The following SMAP1 variants were observed in gnomAD, a reference collection of about 807,000 sequenced individuals.
SMAP1 encodes the protein small ArfGAP 1, also known as stromal membrane-associated protein 1.
SMAP1 carries 24 observed loss-of-function variants against 58.5 expected under a neutral mutation model. The observed-to-expected ratio is 0.41, with a 90% confidence interval of 0.30 to 0.58. SMAP1 has a LOEUF of 0.58. Among genes scored for constraint, SMAP1 ranks in the 20% least tolerant of loss-of-function variants. The pLI is 0.29. For synonymous variants in SMAP1, 216 were observed against 196.6 expected, an observed-to-expected ratio of 1.10 and a Z score of -0.82; for missense variants, 563 against 566.3, an observed-to-expected ratio of 0.99 and a Z score of 0.06.
At chr6:70,763,117 T>TTTTTTG (rs1766823582) in intron 3 of SMAP1, among the ~76,000 whole-genome samples, 1 of 147,110 alleles carries the variant, frequency 6.8e-6, no homozygotes, top group Non-Finnish European at 1.5e-5. Context: ...TTTTTTTTTT[T>TTTTTTG]TTTTTTTTTT....
intron 10 of SMAP1, chr6:70,858,497 T>G (rs1251689163): frequency 1.0e-5 from 3 of 288,006 alleles, no homozygotes; most frequent in Non-Finnish European, 1.9e-5. Context: ...AACTGTAACG[T>G]GAACACCACT....
At chr6:70,813,711 C>A (rs1219915413) in intron 6 of SMAP1, among the ~76,000 whole-genome samples, 1 of 146,212 alleles carries the variant, frequency 6.8e-6, no homozygotes, top group Non-Finnish European at 1.5e-5. Flanking sequence ...TAATATTTGT[C>A]TTTTAACATT....
In SMAP1 at chr6:70,861,341, G is replaced by A. The variant is rs940997459; in HGVS notation, c.*1007G>A. 17 of 235,182 alleles carry A rather than the reference G, an allele frequency of 7.2e-5. No individual in the cohort carries two copies. The highest frequency in any genetic ancestry group is 4.2e-5 in the Non-Finnish European group (5 of 119,158). 14.6% of individuals were successfully genotyped at this position (235,182 alleles called of 1,614,324 possible). ...CTGTTCAAGTCTACCAATTATAAGG[G>A]CAAATTGGAGAAAAAGAAAAAATAT... On this transcript the variant is annotated 3_prime_UTR_variant, in exon 11 of 11. Coordinates refer to ENST00000370455, the MANE Select transcript of SMAP1 (RefSeq NM_001044305.3).
chr6:70,674,958 G>A (rs1325279359), intron 1 of SMAP1, among the ~76,000 whole-genome samples: 1 of 152,088 alleles, frequency 6.6e-6, no homozygotes, highest in Non-Finnish European at 1.5e-5. Flanking sequence ...CAGCCTGGGC[G>A]ACAGAGTGGG....
intron 4 of SMAP1, among the ~76,000 whole-genome samples, chr6:70,779,016 T>C (rs1251743137): frequency 3.3e-5 from 5 of 152,220 alleles, no homozygotes; most frequent in Admixed American, 2.6e-4. Context: ...TGCATTGGTG[T>C]CCCAGGCAAT....
At chr6:70,764,754 A>G (rs539991185) in intron 3 of SMAP1, among the ~76,000 whole-genome samples, 1 of 152,318 alleles carries the variant, frequency 6.6e-6, no homozygotes, top group African/African-American at 2.4e-5. Context: ...CTGTCAATAC[A>G]ACATCTGTTC....
At chr6:70,734,333 G>A (rs1765539368) in intron 2 of SMAP1, among the ~76,000 whole-genome samples, 1 of 152,072 alleles carries the variant, frequency 6.6e-6, no homozygotes, top group Non-Finnish European at 1.5e-5. Context: ...TTTATTAGAG[G>A]TGGGGTTTTG....
chr6:70,674,788 A>G (rs1424739474), intron 1 of SMAP1, among the ~76,000 whole-genome samples: 3 of 152,156 alleles, frequency 2.0e-5, no homozygotes, highest in Non-Finnish European at 2.9e-5. Context: ...ACCCCTGGCC[A>G]ACATGGCAAA....
At chr6:70,786,767 A>G (rs1451762913) in intron 4 of SMAP1, among the ~76,000 whole-genome samples, 1 of 152,204 alleles carries the variant, frequency 6.6e-6, no homozygotes, top group Non-Finnish European at 1.5e-5. Flanking sequence ...GGATCACTTC[A>G]AGGAGAACTA....
intron 2 of SMAP1, among the ~76,000 whole-genome samples, chr6:70,750,007 A>T (rs1012849767): frequency 4.6e-5 from 7 of 152,184 alleles, no homozygotes; most frequent in Non-Finnish European, 8.8e-5. Context: ...ATGCATTATT[A>T]ATTTGGAATT....
At chr6:70,780,539 C>A (rs117256180) in intron 4 of SMAP1, among the ~76,000 whole-genome samples, 3,572 of 152,256 alleles carry the variant, frequency 0.023, 52 homozygotes, top group Non-Finnish European at 0.037. Context: ...TGTGATCACA[C>A]CGCTGTACTA....
At chr6:70,752,101 T>A (rs1582114032) in intron 2 of SMAP1, among the ~76,000 whole-genome samples, 1 of 152,240 alleles carries the variant, frequency 6.6e-6, no homozygotes, top group East Asian at 1.9e-4. Context: ...TTCTAGATAC[T>A]TATTTTGACT....
intron 6 of SMAP1, among the ~76,000 whole-genome samples, chr6:70,803,855 A>G (rs530613396): frequency 6.6e-6 from 1 of 152,122 alleles, no homozygotes; most frequent in Non-Finnish European, 1.5e-5. Flanking sequence ...GTCCTGAGAG[A>G]CAGTTTGTTG....
chr6:70,818,016 A>C (rs1186855336), intron 6 of SMAP1, among the ~76,000 whole-genome samples: 1 of 152,200 alleles, frequency 6.6e-6, no homozygotes, highest in Non-Finnish European at 1.5e-5. Context: ...AACCGTCAGC[A>C]TCAGGCATTT....
intron 1 of SMAP1, among the ~76,000 whole-genome samples, chr6:70,710,749 T>G (rs1768023657): frequency 6.6e-6 from 1 of 152,196 alleles, no homozygotes; most frequent in Non-Finnish European, 1.5e-5. Flanking sequence ...TCAAAAATTT[T>G]TTAAACTTCT....
chr6:70,673,721 C>G (rs1326256401), intron 1 of SMAP1, among the ~76,000 whole-genome samples: 1 of 152,212 alleles, frequency 6.6e-6, no homozygotes, highest in Non-Finnish European at 1.5e-5. Flanking sequence ...TGTGAAACTT[C>G]AGTCTGATGG....
chr6:70,811,966 C>T (rs949911057), intron 6 of SMAP1, among the ~76,000 whole-genome samples: 4 of 152,102 alleles, frequency 2.6e-5, no homozygotes, highest in African/African-American at 9.7e-5. Context: ...AGGTGGGTAG[C>T]GTATAAAGCG....
chr6:70,825,225 A>C (rs1770064324), intron 6 of SMAP1, among the ~76,000 whole-genome samples: 1 of 152,284 alleles, frequency 6.6e-6, no homozygotes, highest in East Asian at 1.9e-4. Context: ...GGCCATAGGA[A>C]AATATTAAAG....
chr6:70,823,315 G>GA (rs1769973969), intron 6 of SMAP1, among the ~76,000 whole-genome samples: 1 of 152,122 alleles, frequency 6.6e-6, no homozygotes, highest in Non-Finnish European at 1.5e-5. Context: ...CCTTTAATGA[G>GA]CCTGTGCCCC....
Sources: gnomAD v4.1 joint callset for allele counts (sites outside exome capture counted in the v4.1 genomes callset) on GRCh38, gnomAD v4.1.1 for gene constraint, MANE v1.5 for transcripts, NCBI Gene and HGNC (gene_info 2026-07-23, HGNC 2026-07-21) for gene names.